MAGI2: variants seen among roughly 807,000 people sequenced by gnomAD.
MAGI2 encodes membrane-associated guanylate kinase, WW and PDZ domain-containing protein 2.
MAGI2 carries 35 observed loss-of-function variants against 133.3 expected under a neutral mutation model. That is an observed-to-expected ratio of 0.26 (90% CI 0.20 to 0.35). The LOEUF (loss-of-function observed/expected upper bound fraction) is 0.35, where lower values mean the gene tolerates loss of function less well. Among genes scored for constraint, MAGI2 ranks in the 10% least tolerant of loss-of-function variants. MAGI2 has a pLI of 1.00. For synonymous variants in MAGI2, 729 were observed against 710.6 expected, an observed-to-expected ratio of 1.03 and a Z score of -0.41; for missense variants, 1,636 against 1,863.4, an observed-to-expected ratio of 0.88 and a Z score of 2.25.
chr7:78,695,583 C>G (rs73147031), intron 2 of MAGI2, among the ~76,000 whole-genome samples: 7,818 of 152,210 alleles, frequency 0.051, 279 homozygotes, highest in Non-Finnish European at 0.077. Context: ...ACTGGTCATC[C>G]TTCTATGCAA....
At chr7:78,862,801 A>T (rs544752180) in intron 2 of MAGI2, among the ~76,000 whole-genome samples, 44 of 152,296 alleles carry the variant, frequency 2.9e-4, no homozygotes, top group African/African-American at 1.0e-3. Context: ...GATACCACAG[A>T]CTTGGTCCCT....
chr7:78,700,036 T>C (rs1817907600), intron 2 of MAGI2, among the ~76,000 whole-genome samples: 1 of 152,146 alleles, frequency 6.6e-6, no homozygotes, highest in Non-Finnish European at 1.5e-5. Context: ...GACCTAAAAT[T>C]ATTTTATTTA....
intron 5 of MAGI2, among the ~76,000 whole-genome samples, chr7:78,490,950 A>G (rs562543500): frequency 6.6e-6 from 1 of 152,242 alleles, no homozygotes; most frequent in South Asian, 2.1e-4. Flanking sequence ...CATGAAAGGA[A>G]GAATAGAAGA....
At chr7:78,831,395 T>G (rs1469766708) in intron 2 of MAGI2, among the ~76,000 whole-genome samples, 3 of 152,148 alleles carry the variant, frequency 2.0e-5, no homozygotes. Flanking sequence ...AGCTCAGAAC[T>G]TTAAAATTAT....
chr7:79,166,389 G>A (rs2129548149), intron 1 of MAGI2, among the ~76,000 whole-genome samples: 1 of 152,136 alleles, frequency 6.6e-6, no homozygotes, highest in Admixed American at 6.5e-5. Context: ...ACAACTAAAG[G>A]AAGAAAATTC....
chr7:78,640,652 G>A (rs1810194449), intron 2 of MAGI2, among the ~76,000 whole-genome samples: 1 of 152,182 alleles, frequency 6.6e-6, no homozygotes, highest in Non-Finnish European at 1.5e-5. Flanking sequence ...CAGCCCAGCA[G>A]CTGACTCAGC....
intron 4 of MAGI2, among the ~76,000 whole-genome samples, chr7:78,519,594 A>T (rs1312287107): frequency 6.6e-6 from 1 of 152,052 alleles, no homozygotes; most frequent in Non-Finnish European, 1.5e-5. Flanking sequence ...GGTGATGAAG[A>T]CCTCCTAACC....
At chr7:79,310,779 G>C (rs997785274) in intron 1 of MAGI2, among the ~76,000 whole-genome samples, 3 of 152,094 alleles carry the variant, frequency 2.0e-5, no homozygotes, top group Non-Finnish European at 4.4e-5. Flanking sequence ...TGTGACCCTA[G>C]TTGAGACCAA....
chr7:78,755,920 T>C (rs189528004), intron 2 of MAGI2, among the ~76,000 whole-genome samples: 8 of 152,326 alleles, frequency 5.3e-5, no homozygotes, highest in East Asian at 3.9e-4. Flanking sequence ...AAGAGGGTTG[T>C]AGCTTTTTAT....
At chr7:78,538,744 T>C (rs1798167354) in intron 3 of MAGI2, among the ~76,000 whole-genome samples, 1 of 152,232 alleles carries the variant, frequency 6.6e-6, no homozygotes, top group African/African-American at 2.4e-5. Flanking sequence ...GCTTTTTGGA[T>C]GAGTCTTTAG....
intron 1 of MAGI2, among the ~76,000 whole-genome samples, chr7:79,205,363 G>C (rs1250269664): frequency 6.6e-6 from 1 of 151,906 alleles, no homozygotes; most frequent in East Asian, 1.9e-4. Context: ...TGAAAAATCT[G>C]TCAAGTAAAA....
chr7:79,296,537 C>G (rs1325531536), intron 1 of MAGI2, among the ~76,000 whole-genome samples: 1 of 152,122 alleles, frequency 6.6e-6, no homozygotes, highest in Non-Finnish European at 1.5e-5. Flanking sequence ...TTTGTGGCAA[C>G]ATGGATGAAC....
At chr7:79,343,030 C>T (rs1841022515) in intron 1 of MAGI2, among the ~76,000 whole-genome samples, 1 of 152,102 alleles carries the variant, frequency 6.6e-6, no homozygotes, top group Non-Finnish European at 1.5e-5. Flanking sequence ...TCCCAAAGTG[C>T]TGGGATTACA....
In MAGI2 at chr7:78,888,578, C is replaced by T. The variant is rs554870699; in HGVS notation, c.418+118512G>A. Reference sequence around the variant, plus strand: ...GCAACATTTGCTGTTCACCAATATCCGCTGTTCTTCAGCCTCCACTGCTGA... The same window carrying T: ...GCAACATTTGCTGTTCACCAATATCTGCTGTTCTTCAGCCTCCACTGCTGA... On this transcript the variant is annotated intron_variant, in intron 2 of 21. Transcript: ENST00000354212. Among the ~76,000 whole-genome samples the T allele has an allele frequency of 4.1e-4, 63 of 152,236 alleles. No individual in the cohort carries two copies. In the South Asian group the frequency reaches 7.7e-3, roughly 19 times the overall value.
intron 20 of MAGI2, among the ~76,000 whole-genome samples, chr7:78,117,924 T>A (rs1820038933): frequency 6.6e-6 from 1 of 152,188 alleles, no homozygotes; most frequent in Non-Finnish European, 1.5e-5. Context: ...AGAATAAAGT[T>A]GGAAGACTGA....
chr7:78,363,636 AG>A (rs1793081336), intron 7 of MAGI2, among the ~76,000 whole-genome samples: 1 of 151,982 alleles, frequency 6.6e-6, no homozygotes, highest in Admixed American at 6.6e-5. Flanking sequence ...CACTTTTTGA[AG>A]TATACTGTAA....
intron 5 of MAGI2, among the ~76,000 whole-genome samples, chr7:78,499,933 T>C (rs1406689574): frequency 6.6e-6 from 1 of 152,236 alleles, no homozygotes; most frequent in Non-Finnish European, 1.5e-5. Context: ...TTATTTTTAA[T>C]AGGTCACTTT....
At chr7:78,760,190 T>C (rs546853562) in intron 2 of MAGI2, among the ~76,000 whole-genome samples, 5 of 152,274 alleles carry the variant, frequency 3.3e-5, no homozygotes, top group African/African-American at 1.2e-4. Flanking sequence ...TGAGAGCACC[T>C]GCCTTTTATA....
At position 79,453,431 on chromosome 7, in the gene MAGI2, T is replaced by G. The variant is rs1394256979; in HGVS notation, c.-111A>C. The G allele has an allele frequency of 6.0e-6, 9 of 1,498,748 alleles. No homozygotes were observed. The highest frequency in any genetic ancestry group is 8.0e-6 in the Non-Finnish European group (9 of 1,131,468). 92.8% of individuals were successfully genotyped at this position (1,498,748 alleles called of 1,614,324 possible). ...GGCCCAGGGGGAAGAACAGCAGACT[T>G]TGCCTTCGCCCCCCTCTATTCGGTG... On this transcript the variant is annotated 5_prime_UTR_variant, in exon 1 of 22. Coordinates refer to ENST00000354212, the MANE Select transcript of MAGI2 (RefSeq NM_012301.4).
Sources: gnomAD v4.1 joint callset for allele counts (sites outside exome capture counted in the v4.1 genomes callset) on GRCh38, gnomAD v4.1.1 for gene constraint, MANE v1.5 for transcripts, NCBI Gene and HGNC (gene_info 2026-07-23, HGNC 2026-07-21) for gene names.